Variants in CIMAP3 observed in about 807,000 individuals in gnomAD.
The protein encoded by CIMAP3 is ciliary microtubule-associated protein 3.
At chr1:111,335,551 CAG>C in the CIMAP3 span, among the ~76,000 whole-genome samples, 1 of 152,190 alleles carries the variant, frequency 6.6e-6, no homozygotes, top group African/African-American at 2.4e-5. Flanking sequence ...AGATTATATC[CAG>C]CACTGGCTCA....
chr1:111,329,551 ATATATAT>A, the CIMAP3 span, among the ~76,000 whole-genome samples: 4 of 54,154 alleles, frequency 7.4e-5, no homozygotes, highest in Middle Eastern at 0.012. Flanking sequence ...ATATATATAT[ATATATAT>A]AATTTTTTTT....
At chr1:111,347,616 T>TTG in the CIMAP3 span, 1 of 1,080,286 alleles carries the variant, frequency 9.3e-7, no homozygotes, top group Non-Finnish European at 1.3e-6. Context: ...GCGTTGTTTT[T>TTG]TCTTTCTTTT....
chr1:111,334,307 G>A, the CIMAP3 span, among the ~76,000 whole-genome samples: 4 of 152,194 alleles, frequency 2.6e-5, no homozygotes, highest in Non-Finnish European at 4.4e-5. Flanking sequence ...AGTTTAGGAA[G>A]GGCAGGGCTC....
the CIMAP3 span, among the ~76,000 whole-genome samples, chr1:111,327,771 T>C: frequency 6.6e-6 from 1 of 151,850 alleles, no homozygotes; most frequent in Non-Finnish European, 1.5e-5. Flanking sequence ...GTCTAGCTAG[T>C]GGCCTATTTT....
chr1:111,345,514 C>A, the CIMAP3 span, among the ~76,000 whole-genome samples: 2 of 152,232 alleles, frequency 1.3e-5, no homozygotes, highest in African/African-American at 4.8e-5. Context: ...TGACCAGGAA[C>A]AACACCCCAA....
chr1:111,340,434 A>C, the CIMAP3 span, among the ~76,000 whole-genome samples: 15 of 152,112 alleles, frequency 9.9e-5, no homozygotes, highest in Non-Finnish European at 2.2e-4. Flanking sequence ...ACAAAATTGG[A>C]GAAAATTTTC....
chr1:111,329,531 A>G, the CIMAP3 span, among the ~76,000 whole-genome samples: 1 of 28,188 alleles, frequency 3.5e-5, no homozygotes, highest in South Asian at 2.0e-3. Flanking sequence ...ATATATATAT[A>G]TATATATATA....
chr1:111,352,971 G>T, the CIMAP3 span: 5 of 152,302 alleles, frequency 3.3e-5, no homozygotes, highest in South Asian at 8.3e-4. Flanking sequence ...TACTTTAAAT[G>T]CTACATTGTA....
chr1:111,335,202 T>C, the CIMAP3 span, among the ~76,000 whole-genome samples: 18,964 of 138,920 alleles, frequency 0.14, 1,344 homozygotes, highest in African/African-American at 0.17. Flanking sequence ...AAACAGAAAA[T>C]TTCCTACAAG....
the CIMAP3 span, among the ~76,000 whole-genome samples, chr1:111,328,885 TC>T: frequency 2.0e-5 from 3 of 152,224 alleles, no homozygotes; most frequent in Non-Finnish European, 4.4e-5. Context: ...TTTGATCCTA[TC>T]ATTGTGCTGT....
chr1:111,332,425 G>A, the CIMAP3 span, among the ~76,000 whole-genome samples: 1 of 152,164 alleles, frequency 6.6e-6, no homozygotes, highest in African/African-American at 2.4e-5. Flanking sequence ...GTCTGCAGTG[G>A]GAGGCCTATA....
chr1:111,331,557 A>ATATC, the CIMAP3 span, among the ~76,000 whole-genome samples: 1,202 of 151,976 alleles, frequency 7.9e-3, 15 homozygotes, highest in African/African-American at 0.027. Context: ...CTTTTTTATG[A>ATATC]TATCTCTTTG....
chr1:111,345,974 A>G, the CIMAP3 span, among the ~76,000 whole-genome samples: 1 of 152,106 alleles, frequency 6.6e-6, no homozygotes, highest in East Asian at 1.9e-4. Context: ...CAATTTAGAG[A>G]TGAGAAAACT....
the CIMAP3 span, chr1:111,347,881 T>A: frequency 1.3e-6 from 1 of 760,082 alleles, no homozygotes; most frequent in Non-Finnish European, 2.2e-6. Flanking sequence ...GCCCTGAAAT[T>A]AAAGAAAAGT....
chr1:111,346,827 T>C, the CIMAP3 span: 51 of 1,583,506 alleles, frequency 3.2e-5, no homozygotes, highest in Non-Finnish European at 3.8e-5. Flanking sequence ...CTCTGCTCAG[T>C]CTCCCCGACC....
At chr1:111,347,686 G>T in the CIMAP3 span, 1 of 1,608,124 alleles carries the variant, frequency 6.2e-7, no homozygotes, top group African/African-American at 1.4e-5. Context: ...ATATGGCTTG[G>T]CATACGACTT....
chr1:111,328,538 T>C, the CIMAP3 span, among the ~76,000 whole-genome samples: 1 of 152,248 alleles, frequency 6.6e-6, no homozygotes, highest in Non-Finnish European at 1.5e-5. Flanking sequence ...GCTTCTGTAT[T>C]GGGTGCATAT....
the CIMAP3 span, among the ~76,000 whole-genome samples, chr1:111,345,519 C>A: frequency 6.6e-6 from 1 of 152,212 alleles, no homozygotes. Context: ...AGGAACAACA[C>A]CCCAACAATT....
the CIMAP3 span, among the ~76,000 whole-genome samples, chr1:111,345,066 G>A: frequency 2.0e-5 from 3 of 152,210 alleles, no homozygotes; most frequent in Non-Finnish European, 1.5e-5. Flanking sequence ...ATAAGCCTAG[G>A]TGTGTAGTAG....
Sources: allele counts gnomAD v4.1 joint callset (sites outside exome capture counted in the v4.1 genomes callset), GRCh38; gene constraint gnomAD v4.1.1; transcripts MANE v1.5; gene names NCBI Gene and HGNC (gene_info 2026-07-23, HGNC 2026-07-21).